SH3D21: variants seen among roughly 807,000 people sequenced by gnomAD.
The protein encoded by SH3D21 is manchette microtubule inner protein 1, also known as SH3 domain-containing protein 21.
SH3D21 carries 83 observed loss-of-function variants against 82.1 expected under a neutral mutation model. The observed-to-expected ratio is 1.01, with a 90% CI of 0.85 to 1.21. The LOEUF (loss-of-function observed/expected upper bound fraction) is 1.21. Ranked by LOEUF, SH3D21 falls within the 50% of genes most tolerant of loss-of-function variation. The pLI is 0.00. For synonymous variants in SH3D21, 383 were observed against 387.8 expected (o/e 0.99, Z 0.15); for missense variants, 980 against 962.1 (o/e 1.02, Z -0.25).
Position 36,320,281 on chromosome 1 carries a change from C to T in SH3D21, c.1618C>T (p.Pro540Ser). The T allele has an allele frequency of 1.2e-6, 2 of 1,612,652 alleles. No individual in the cohort carries two copies. Among genetic ancestry groups the T allele is most frequent in the Non-Finnish European group, 1.7e-6 (2 of 1,179,754 alleles). The change falls in exon 14 of 16, where the codon CCT (proline) becomes TCT (serine). Residue 540 changes from proline (P) to serine (S), a missense_variant. Coordinates refer to ENST00000453908, the MANE Select transcript of SH3D21 (RefSeq NM_001162530.2). ...AHTPEAPPPQ[P>S]PSSERCLGEM... ...CACGCCAGAGGCACCCCCACCCCAG[C>T]CTCCTTCCTCAGAGAGGTGCCTGGG...
At chr1:36,316,327 C>T (rs960679337) in intron 10 of SH3D21, among the ~76,000 whole-genome samples, 3 of 152,186 alleles carry the variant, frequency 2.0e-5, no homozygotes, top group Non-Finnish European at 2.9e-5. Context: ...CTCCTCCTTC[C>T]GGGTTCAAGC....
chr1:36,320,227 G>A lies in SH3D21; in HGVS notation c.1564G>A (p.Glu522Lys), dbSNP rs756531337. The change falls in exon 14 of 16, where the codon GAG (glutamate) becomes AAG (lysine). Residue 522 changes from glutamate to lysine, a missense_variant. Coordinates refer to ENST00000453908, the MANE Select transcript of SH3D21 (RefSeq NM_001162530.2). Reference sequence around the variant, plus strand: ...GAAGGTCAAGTACTTTGTAGCCAAAGAGGATCCATCATCCCAGGAGGAGGC... The same window carrying A: ...GAAGGTCAAGTACTTTGTAGCCAAAAAGGATCCATCATCCCAGGAGGAGGC... Reference protein sequence around the residue: ...LQKVKYFVAKEDPSSQEEAHT... With the variant: ...LQKVKYFVAKKDPSSQEEAHT... The A allele has an allele frequency of 1.2e-6, 2 of 1,613,178 alleles. No homozygotes were observed. Among genetic ancestry groups the A allele is most frequent in the Non-Finnish European group, 1.7e-6 (2 of 1,180,020 alleles).
At chr1:36,322,580 G>T, downstream of SH3D21, 1 of 1,578,650 alleles carries the variant, frequency 6.3e-7, no homozygotes, top group East Asian at 2.3e-5. Flanking sequence ...GCTCCAGGGT[G>T]CTGCTGCGGG....
chr1:36,318,152 G>A lies in SH3D21; in HGVS notation c.770-919G>A, dbSNP rs77394798. Among the ~76,000 whole-genome samples the A allele has an allele frequency of 8.8e-3, 1,345 of 152,258 alleles. 16 individuals are homozygous for A. The highest frequency in any genetic ancestry group is 0.031 in the African/African-American group (1,290 of 41,536). On this transcript the variant is annotated intron_variant, in intron 10 of 15. Transcript: ENST00000453908. ...GTAGTGTGGACAGGATTTGCTGATG[G>A]TTTGGATGTGTCTCATAAGGAAATA...
chr1:36,321,383 T>TG, downstream of SH3D21: 4 of 1,094,766 alleles, frequency 3.7e-6, no homozygotes, highest in Non-Finnish European at 4.8e-6. This position sits in a 1 kb window ranked among gnomAD's most constrained non-coding sequence, Gnocchi z 6.1. Flanking sequence ...ATCCACCGGA[T>TG]GGTGAGGGGC....
chr1:36,329,535 C>T (rs1179498782), downstream of SH3D21, among the ~76,000 whole-genome samples: 3 of 152,124 alleles, frequency 2.0e-5, no homozygotes, highest in African/African-American at 4.8e-5. Flanking sequence ...GAGTCCCTGG[C>T]GCCACCCTTG....
At chr1:36,329,847 T>A (rs1399596136), downstream of SH3D21, among the ~76,000 whole-genome samples, 1 of 152,086 alleles carries the variant, frequency 6.6e-6, no homozygotes, top group Non-Finnish European at 1.5e-5. Context: ...CGAGAAAGAA[T>A]AACCAGTGCA....
chr1:36,309,337 C>T (rs1480326512), intron 9 of SH3D21, among the ~76,000 whole-genome samples: 3 of 152,076 alleles, frequency 2.0e-5, no homozygotes, highest in Non-Finnish European at 4.4e-5. Flanking sequence ...GCTGGGATTA[C>T]ACGTGCATGC....
At chr1:36,321,705 GGT>G (rs1306307265), downstream of SH3D21, 2 of 1,016,898 alleles carry the variant, frequency 2.0e-6, no homozygotes, top group Non-Finnish European at 1.2e-6. This position sits in a 1 kb window ranked among gnomAD's most constrained non-coding sequence, Gnocchi z 6.1. Context: ...CCTGAGGCCT[GGT>G]GTGTGTGTCA....
Position 36,307,416 on chromosome 1 carries a change from A to G in SH3D21, c.346-101A>G. ...CAGATACGGGGAAGCGCGGGAGGGA[A>G]GGAGGGAGGAAGGGGCGCTTGGGCA... On this transcript the variant is annotated intron_variant, in intron 4 of 15. Transcript: ENST00000453908. This position sits in a 1 kb window ranked among gnomAD's most constrained non-coding sequence, Gnocchi z 5.4. 1.3e-6 allele frequency: 2 copies of G among 1,503,962 alleles called. No individual in the cohort carries two copies. The highest frequency in any genetic ancestry group is 1.8e-6 in the Non-Finnish European group (2 of 1,110,216). 93.2% of individuals were successfully genotyped at this position (1,503,962 alleles called of 1,614,324 possible).
downstream of SH3D21, chr1:36,322,852 C>T: frequency 6.6e-7 from 1 of 1,509,926 alleles, no homozygotes; most frequent in South Asian, 1.2e-5. Flanking sequence ...CATTAGGGAA[C>T]CGCCAGCGGG....
chr1:36,315,595 C>T (rs191355485), intron 10 of SH3D21, among the ~76,000 whole-genome samples: 1 of 152,156 alleles, frequency 6.6e-6, no homozygotes, highest in Non-Finnish European at 1.5e-5. Flanking sequence ...GTGATCCGCC[C>T]ACCTCGGCCT....
chr1:36,322,883 C>T (rs1157646839), downstream of SH3D21: 8 of 1,534,218 alleles, frequency 5.2e-6, no homozygotes, highest in Non-Finnish European at 7.1e-6. Flanking sequence ...GGGAGCGGGG[C>T]GGAGGGGACG....
In SH3D21 at chr1:36,320,675, C is replaced by G. The variant is rs748438005; in HGVS notation, c.2012C>G (p.Ala671Gly). The G allele has an allele frequency of 1.2e-6, 2 of 1,614,250 alleles. No homozygotes were observed. The highest frequency in any genetic ancestry group is 2.2e-5 in the East Asian group (1 of 44,894). Residue 671 changes from alanine (A) to glycine (G), a missense_variant, in exon 14 of 16, where the codon GCG becomes GGG. Ala to Gly is a moderately conservative substitution (Grantham distance 60). Coordinates refer to ENST00000453908, the MANE Select transcript of SH3D21 (RefSeq NM_001162530.2). ...KPPPDSQETL[A>G]LPSLVPQNYT... ...CCTCCAGACTCCCAAGAGACGCTCGCGCTCCCCTCGCTGGTCCCGCAAAAC... is the reference window on the plus strand; with the variant it reads ...CCTCCAGACTCCCAAGAGACGCTCGGGCTCCCCTCGCTGGTCCCGCAAAAC...
chr1:36,325,780 G>A (rs1354975941), downstream of SH3D21, among the ~76,000 whole-genome samples: 1 of 152,196 alleles, frequency 6.6e-6, no homozygotes, highest in Non-Finnish European at 1.5e-5. Context: ...TGCTGACCTC[G>A]TGATCCACCT....
At position 36,308,089 on chromosome 1, in the gene SH3D21, G is replaced by A. The variant is rs1353625754; in HGVS notation, c.539-20G>A. The stretch of plus-strand genomic sequence containing the variant: ...GGGGGAGGCTTGGCTTCAGAGGACA[G>A]TGGACTGACCTCTTCCCAGTCTCCC... On this transcript the variant is annotated intron_variant, in intron 7 of 15. Coordinates refer to ENST00000453908, the MANE Select transcript of SH3D21 (RefSeq NM_001162530.2). The A allele has an allele frequency of 6.5e-6, 10 of 1,546,124 alleles. No homozygotes were observed. The highest frequency in any genetic ancestry group is 1.4e-5 in the African/African-American group (1 of 72,960).
chr1:36,327,282 G>C (rs1646554709), downstream of SH3D21, among the ~76,000 whole-genome samples: 1 of 152,254 alleles, frequency 6.6e-6, no homozygotes, highest in Non-Finnish European at 1.5e-5. Flanking sequence ...GTATGTCAGT[G>C]ACTGTTTGCA....
rs1346614218 is a variant in SH3D21 at position 36,306,379 on chromosome 1, G to A, written c.-42G>A. Reference sequence around the variant, plus strand: ...CCCTGCGCGGGCCCAGTACTCGGCCGTCAGAGGGAGCTGCCAGGCTCTGGA... The same window carrying A: ...CCCTGCGCGGGCCCAGTACTCGGCCATCAGAGGGAGCTGCCAGGCTCTGGA... On this transcript the variant is annotated 5_prime_UTR_variant, in exon 1 of 16. Transcript: ENST00000453908. This position sits in a 1 kb window ranked among gnomAD's most constrained non-coding sequence, Gnocchi z 4.5. 3.1e-6 allele frequency: 4 copies of A among 1,305,370 alleles called. No homozygotes were observed. The Admixed American group carries it at 6.9e-5, about 22-fold the overall frequency. The allele number at this position is 1,305,370 out of a possible 1,614,324, so 80.9% of individuals were successfully genotyped here. A position where few individuals can be genotyped will look rare whatever the true frequency, so the allele number is the denominator to read the frequency against.
intron 13 of SH3D21, 68 bp from the exon 14 acceptor site, chr1:36,319,607 G>A: frequency 6.5e-7 from 1 of 1,550,170 alleles, no homozygotes; most frequent in Non-Finnish European, 8.7e-7. Flanking sequence ...GTGTGCACGG[G>A]TGAAGTCTCC....
Sources: gnomAD v4.1 joint callset for allele counts (sites outside exome capture counted in the v4.1 genomes callset) on GRCh38, gnomAD v4.1.1 for gene constraint, Gnocchi (gnomAD v3.1) non-coding constraint, MANE v1.5 for transcripts, NCBI Gene and HGNC (gene_info 2026-07-23, HGNC 2026-07-21) for gene names.